CCDC141: variants seen among roughly 807,000 people sequenced by gnomAD.
CCDC141 encodes coiled-coil domain-containing protein 141.
Under a neutral mutation model 181.0 loss-of-function variants are expected in CCDC141, and 168 were observed. The ratio of observed to expected loss-of-function variants is 0.93; its 90% CI spans 0.82 to 1.05. The LOEUF is 1.05. CCDC141 is among the 50% of genes least tolerant of loss of function. The pLI, the probability that CCDC141 is intolerant of heterozygous loss-of-function variation, is 0.00. For missense variants in CCDC141, 1,902 were observed against 1,788.5 expected (o/e 1.06, Z -1.14); for synonymous variants, 666 against 642.3 (o/e 1.04, Z -0.56).
intron 2 of CCDC141, among the ~76,000 whole-genome samples, chr2:178,981,667 T>TACAC: frequency 9.8e-6 from 1 of 102,164 alleles, no homozygotes; most frequent in Non-Finnish European, 2.3e-5. Context: ...TACATACATA[T>TACAC]ATACATATAT....
At chr2:179,013,387 A>T (rs1448808277) in intron 2 of CCDC141, among the ~76,000 whole-genome samples, 2 of 152,144 alleles carry the variant, frequency 1.3e-5, no homozygotes, top group Non-Finnish European at 2.9e-5. Flanking sequence ...AAAATAAAAT[A>T]CTTAGGAATA....
chr2:178,870,773 TGCAGCAAA>T (rs1192079063), intron 14 of CCDC141, among the ~76,000 whole-genome samples: 2 of 152,220 alleles, frequency 1.3e-5, no homozygotes, highest in Non-Finnish European at 2.9e-5. Flanking sequence ...ATCTAAATTT[TGCAGCAAA>T]GCATAAGAAT....
At chr2:178,955,087 C>A (rs1690104783) in intron 5 of CCDC141, among the ~76,000 whole-genome samples, 1 of 152,058 alleles carries the variant, frequency 6.6e-6, no homozygotes, top group African/African-American at 2.4e-5. Context: ...GAGTTCAAGA[C>A]CATCCTGGGC....
At chr2:179,007,158 C>T (rs2042142620) in intron 2 of CCDC141, among the ~76,000 whole-genome samples, 1 of 152,158 alleles carries the variant, frequency 6.6e-6, no homozygotes, top group Non-Finnish European at 1.5e-5. Flanking sequence ...TGTAAAGATT[C>T]TATTCACTAG....
At chr2:178,921,744 T>G (rs761979508) in intron 6 of CCDC141, among the ~76,000 whole-genome samples, 1 of 152,220 alleles carries the variant, frequency 6.6e-6, no homozygotes, top group Non-Finnish European at 1.5e-5. Flanking sequence ...GTTCTATAGC[T>G]AAGAGCAGCT....
chr2:179,017,334 G>A (rs1236132137), intron 2 of CCDC141, among the ~76,000 whole-genome samples: 1 of 152,060 alleles, frequency 6.6e-6, no homozygotes, highest in Admixed American at 6.6e-5. Flanking sequence ...TCTTACAAAT[G>A]AGCTTCCACT....
At chr2:178,972,048 A>G (rs1690913510) in intron 4 of CCDC141, among the ~76,000 whole-genome samples, 1 of 152,156 alleles carries the variant, frequency 6.6e-6, no homozygotes, top group Non-Finnish European at 1.5e-5. Flanking sequence ...CGTTCTGAAC[A>G]TGTACCCCAG....
Position 178,844,589 on chromosome 2 carries a change from A to G in CCDC141, c.3474+1037T>C, listed in dbSNP as rs1286407841. ...GTCGCTCAAGACCCTACCACAAAAA[A>G]AGACAGTTTGCTTAACACTACTTGC... On this transcript the variant is annotated intron_variant, in intron 22 of 23. Coordinates refer to ENST00000443758, the MANE Select transcript of CCDC141 (RefSeq NM_173648.4). 2.0e-5 allele frequency among the ~76,000 whole-genome samples: 3 copies of G among 152,206 alleles called. No homozygotes were observed. The East Asian group carries it at 5.8e-4, about 29-fold the overall frequency.
At chr2:178,946,559 A>G (rs1252137520) in intron 5 of CCDC141, among the ~76,000 whole-genome samples, 1 of 152,176 alleles carries the variant, frequency 6.6e-6, no homozygotes, top group Non-Finnish European at 1.5e-5. Context: ...GGGACAGTTA[A>G]TATAGAATCA....
At position 178,905,386 on chromosome 2, in the gene CCDC141, C is replaced by T; in HGVS notation, c.1208G>A (p.Cys403Tyr). 6.4e-7 allele frequency: 1 copy of T among 1,550,674 alleles called. No individual in the cohort carries two copies. The highest frequency in any genetic ancestry group is 2.0e-5 in the Admixed American group (1 of 50,994). The change falls in exon 8 of 24, where the codon TGC (cysteine) becomes TAC (tyrosine). Residue 403 changes from cysteine to tyrosine, a missense_variant. Physicochemically the swap from Cys to Tyr is radical, Grantham distance 194. Coordinates refer to ENST00000443758, the MANE Select transcript of CCDC141 (RefSeq NM_173648.4). The stretch of plus-strand genomic sequence containing the variant: ...TCCCTTTTGCAAAGCATCAGTTGTG[C>T]AGTCTTTAATTTTTCTGTGTAATTC... ...HEELHRKIKDCTTDALQKGQT... is the reference protein window; with the variant it reads ...HEELHRKIKDYTTDALQKGQT...
At chr2:178,988,243 C>T (rs1399108028) in intron 2 of CCDC141, among the ~76,000 whole-genome samples, 1 of 148,108 alleles carries the variant, frequency 6.8e-6, no homozygotes, top group Admixed American at 7.0e-5. Context: ...ACCGTATATT[C>T]TCACTCATAG....
At chr2:178,817,468 T>C in the CCDC141 span, 1 of 469,116 alleles carries the variant, frequency 2.1e-6, no homozygotes, top group Non-Finnish European at 4.4e-6. Context: ...TAGAAAAACA[T>C]AGAGTTATGA....
chr2:178,982,862 C>A lies in CCDC141; in HGVS notation c.226-4187G>T, dbSNP rs910394721. Among the ~76,000 whole-genome samples, 126 of 152,210 alleles carry A rather than the reference C, an allele frequency of 8.3e-4. 1 individual carries two copies. Among genetic ancestry groups the A allele is most frequent in the Non-Finnish European group, 2.5e-4 (17 of 68,048 alleles). ...GCTAGCACAGTAGTCTGAGATCAAA[C>A]TGCAAGGCGGCAGCCAGGCTGGGGG... On this transcript the variant is annotated intron_variant, in intron 2 of 23. Coordinates refer to ENST00000443758, the MANE Select transcript of CCDC141 (RefSeq NM_173648.4).
At chr2:178,872,411 C>A in intron 12 of CCDC141, 99 bp from the exon 13 acceptor site, 2 of 1,134,014 alleles carry the variant, frequency 1.8e-6, no homozygotes, top group Non-Finnish European at 2.5e-6. Flanking sequence ...TTATCACAAC[C>A]AAAGCCGAAG....
Position 178,872,308 on chromosome 2 carries a change from T to C in CCDC141, c.1904A>G (p.Lys635Arg), listed in dbSNP as rs1686155750. 1 of 1,606,436 alleles carries C rather than the reference T, an allele frequency of 6.2e-7. No homozygotes were observed. ...TTTCACATCTAATATCTCGTTCTCT[T>C]TTGCCTGTTAAATTAATAATTCATA... ...LEFLNLINMAKENEILDVKNE... is the reference protein window; with the variant it reads ...LEFLNLINMARENEILDVKNE... The change falls in exon 13 of 24, where the codon AAA becomes AGA. Residue 635 changes from lysine to arginine, a missense_variant. Transcript: ENST00000443758.
At chr2:179,002,099 T>C in intron 2 of CCDC141, 1 of 199,318 alleles carries the variant, frequency 5.0e-6, no homozygotes, top group South Asian at 8.9e-5. Flanking sequence ...ATTACAAGCA[T>C]AAGCCACTGC....
chr2:178,924,725 C>T (rs942297827), intron 6 of CCDC141, among the ~76,000 whole-genome samples: 29 of 152,132 alleles, frequency 1.9e-4, no homozygotes, highest in Non-Finnish European at 1.5e-5. Context: ...TTAAACTTCA[C>T]CCTCACTATG....
chr2:178,981,046 G>A (rs935086904), intron 2 of CCDC141, among the ~76,000 whole-genome samples: 1 of 152,084 alleles, frequency 6.6e-6, no homozygotes, highest in African/African-American at 2.4e-5. Context: ...TCTACAAGAA[G>A]GCATGACAAT....
At chr2:178,969,144 C>A (rs1482827168) in intron 4 of CCDC141, among the ~76,000 whole-genome samples, 1 of 139,410 alleles carries the variant, frequency 7.2e-6, no homozygotes, top group Admixed American at 7.4e-5. Flanking sequence ...CAGGACCAGA[C>A]GGATTCACAG....
Sources: gnomAD v4.1 joint callset for allele counts (sites outside exome capture counted in the v4.1 genomes callset) on GRCh38, gnomAD v4.1.1 for gene constraint, MANE v1.5 for transcripts, NCBI Gene and HGNC (gene_info 2026-07-23, HGNC 2026-07-21) for gene names.